Variants in LRRC7 observed in about 807,000 individuals in gnomAD.
LRRC7 encodes the protein leucine rich repeat containing 7.
In LRRC7, 23 loss-of-function variants were observed where a neutral mutation model predicts 175.7. That is an observed-to-expected ratio of 0.13 (90% CI 0.09 to 0.19). LRRC7 has a LOEUF of 0.19. Among genes scored for constraint, LRRC7 ranks in the 10% least tolerant of loss-of-function variants. The pLI is 1.00. For synonymous variants in LRRC7, 685 were observed against 680.9 expected (o/e 1.01, Z -0.09); for missense variants, 1,354 against 1,904.7 (o/e 0.71, Z 5.38).
chr1:69,595,752 A>G (rs1646815978), intron 1 of LRRC7, among the ~76,000 whole-genome samples: 1 of 152,146 alleles, frequency 6.6e-6, no homozygotes, highest in Admixed American at 6.5e-5. Flanking sequence ...AGTCTGCCAG[A>G]TGGCACTTCA....
At chr1:69,931,628 C>A in intron 8 of LRRC7, 58 bp downstream of exon 8, 1 of 1,410,832 alleles carries the variant, frequency 7.1e-7, no homozygotes, top group Non-Finnish European at 1.0e-6. Context: ...CTTTCTTTTG[C>A]TCTGTCTTTG....
chr1:69,580,032 C>T (rs1296490557), intron 1 of LRRC7, among the ~76,000 whole-genome samples: 1 of 152,048 alleles, frequency 6.6e-6, no homozygotes, highest in Non-Finnish European at 1.5e-5. Flanking sequence ...CGTCCTGGTC[C>T]ATGAACAATC....
rs548499642 is a variant in LRRC7 at position 69,733,709 on chromosome 1, C to A, written c.101-26482C>A. ...AACCATTCTTTGCTAACACTAAAAACCTCTTCCACTTATTTCTCAATACTG... is the reference window on the plus strand; with the variant it reads ...AACCATTCTTTGCTAACACTAAAAAACTCTTCCACTTATTTCTCAATACTG... On this transcript the variant is annotated intron_variant, in intron 2 of 26. Transcript: ENST00000651989. Among the ~76,000 whole-genome samples, 29 of 152,122 alleles carry A rather than the reference C, an allele frequency of 1.9e-4. No homozygotes were observed. In the South Asian group the frequency reaches 6.0e-3, roughly 32 times the overall value.
At chr1:69,881,059 T>C (rs1032414328) in intron 7 of LRRC7, among the ~76,000 whole-genome samples, 1 of 152,234 alleles carries the variant, frequency 6.6e-6, no homozygotes, top group African/African-American at 2.4e-5. Flanking sequence ...CATGGGACTT[T>C]GGATATAAAA....
rs373729612 is a variant in LRRC7, at chr1:69,807,326, G to T, written c.421+15166G>T. On this transcript the variant is annotated intron_variant, in intron 4 of 26. Coordinates refer to ENST00000651989, the MANE Select transcript of LRRC7 (RefSeq NM_001370785.2). The stretch of plus-strand genomic sequence containing the variant: ...AATTAATATTGTTATGTGTGTATTT[G>T]GTCCTGTCATTATGATGTTAGCTGG... Among the ~76,000 whole-genome samples, 1,212 of 152,020 alleles carry T rather than the reference G, an allele frequency of 8.0e-3. 20 individuals are homozygous for T. Among genetic ancestry groups the T allele is most frequent in the African/African-American group, 0.028 (1,146 of 41,498 alleles).
rs867440496 is a variant in LRRC7 at position 69,924,317 on chromosome 1, T to C, written c.648-7190T>C. On this transcript the variant is annotated intron_variant, in intron 7 of 26. Transcript: ENST00000651989. ...TTTTGGTTCCATATGAACTTTAAAG[T>C]AGTTTTTTCCAATTCTGTGAAGAAA... Among the ~76,000 whole-genome samples the C allele has an allele frequency of 4.3e-4, 65 of 152,188 alleles. 1 individual carries two copies. Among genetic ancestry groups the C allele is most frequent in the Non-Finnish European group, 1.6e-4 (11 of 67,952 alleles).
At chr1:69,686,835 C>T (rs1271193698) in intron 2 of LRRC7, among the ~76,000 whole-genome samples, 3 of 151,526 alleles carry the variant, frequency 2.0e-5, no homozygotes, top group Admixed American at 2.0e-4. Flanking sequence ...AAAAGAAAGA[C>T]CAACTATATG....
rs1650015415 is a variant in LRRC7 at position 69,952,242 on chromosome 1, T to TC, written c.711+20677dup. Among the ~76,000 whole-genome samples the TC allele has an allele frequency of 2.6e-5, 4 of 152,052 alleles. No homozygotes were observed. In the South Asian group the frequency reaches 8.3e-4, roughly 32 times the overall value. On this transcript the variant is annotated intron_variant, in intron 8 of 26. Transcript: ENST00000651989. ...AACTTCCACAAAATCAAGGAATTTG[T>TC]CCCCCTGGTTCACCAGTATATTCTA...
intron 1 of LRRC7, among the ~76,000 whole-genome samples, chr1:69,650,159 G>A (rs1408576041): frequency 1.3e-5 from 2 of 152,020 alleles, no homozygotes; most frequent in East Asian, 3.9e-4. Flanking sequence ...TTATTTCCCT[G>A]GCACATATTA....
intron 22 of LRRC7, among the ~76,000 whole-genome samples, chr1:70,052,221 G>A: frequency 6.6e-6 from 1 of 152,020 alleles, no homozygotes; most frequent in East Asian, 1.9e-4. Flanking sequence ...TCCACTGGAG[G>A]CTTTCTGATG....
intron 8 of LRRC7, among the ~76,000 whole-genome samples, chr1:69,939,165 A>G (rs1406556927): frequency 1.3e-5 from 2 of 151,636 alleles, no homozygotes; most frequent in East Asian, 3.9e-4. Flanking sequence ...TCCAGTCAGC[A>G]GGTGAAAACT....
At chr1:69,866,774 C>T (rs1344188647) in intron 7 of LRRC7, among the ~76,000 whole-genome samples, 1 of 152,146 alleles carries the variant, frequency 6.6e-6, no homozygotes, top group Non-Finnish European at 1.5e-5. Context: ...GTAATGATTA[C>T]TCACTGCCAA....
At chr1:70,058,451 T>G (rs1661326550) in intron 23 of LRRC7, among the ~76,000 whole-genome samples, 1 of 152,182 alleles carries the variant, frequency 6.6e-6, no homozygotes, top group South Asian at 2.1e-4. Flanking sequence ...GTTTAAAACT[T>G]TTGCAATTGC....
intron 2 of LRRC7, among the ~76,000 whole-genome samples, chr1:69,679,507 C>T (rs1660209283): frequency 6.6e-6 from 1 of 152,046 alleles, no homozygotes; most frequent in Non-Finnish European, 1.5e-5. Context: ...ATATGTCATT[C>T]AATAGTGTTT....
At chr1:69,840,413 G>GT (rs1681595399) in intron 7 of LRRC7, among the ~76,000 whole-genome samples, 1 of 151,940 alleles carries the variant, frequency 6.6e-6, no homozygotes, top group African/African-American at 2.4e-5. Context: ...AACAATTTTA[G>GT]TTTAACAATA....
intron 11 of LRRC7, among the ~76,000 whole-genome samples, chr1:70,009,044 G>A (rs529937223): frequency 6.6e-6 from 1 of 152,128 alleles, no homozygotes; most frequent in East Asian, 1.9e-4. Context: ...TTCACACATT[G>A]GAATTGTGCA....
intron 1 of LRRC7, among the ~76,000 whole-genome samples, chr1:69,670,818 A>G (rs1243516092): frequency 6.6e-6 from 1 of 152,096 alleles, no homozygotes; most frequent in Non-Finnish European, 1.5e-5. Flanking sequence ...GATTAGTGAT[A>G]GGCTACCATC....
chr1:69,696,247 G>A (rs1277763663), intron 2 of LRRC7, among the ~76,000 whole-genome samples: 1 of 152,178 alleles, frequency 6.6e-6, no homozygotes, highest in East Asian at 1.9e-4. Flanking sequence ...TGGAGTCAAA[G>A]ATTATTTTGG....
intron 1 of LRRC7, among the ~76,000 whole-genome samples, chr1:69,651,196 C>T (rs1185707490): frequency 6.6e-6 from 1 of 152,054 alleles, no homozygotes; most frequent in Admixed American, 6.6e-5. Context: ...TAAGTAATTT[C>T]AAATCTGCAT....
Sources: allele counts gnomAD v4.1 joint callset (sites outside exome capture counted in the v4.1 genomes callset), GRCh38; gene constraint gnomAD v4.1.1; transcripts MANE v1.5; gene names NCBI Gene and HGNC (gene_info 2026-07-23, HGNC 2026-07-21).